FHIP1A: variants seen among roughly 807,000 people sequenced by gnomAD.
FHIP1A encodes FHF complex subunit HOOK-interacting protein 1A.
In FHIP1A, 61 loss-of-function variants were observed where a neutral mutation model predicts 88.6. The ratio of observed to expected loss-of-function variants is 0.69; its 90% CI spans 0.56 to 0.85. FHIP1A has a LOEUF of 0.85. Among genes scored for constraint, FHIP1A ranks in the 40% least tolerant of loss-of-function variants. The pLI is 0.00. For synonymous variants in FHIP1A, 478 were observed against 496.0 expected (o/e 0.96, Z 0.48); for missense variants, 1,154 against 1,273.5 (o/e 0.91, Z 1.43).
chr4:151,504,553 G>C (rs546308903), intron 3 of FHIP1A, among the ~76,000 whole-genome samples: 5 of 147,120 alleles, frequency 3.4e-5, no homozygotes, highest in African/African-American at 1.3e-4. Context: ...CATCTAGCTG[G>C]GAAAAAATTT....
rs1163123296 is a variant in FHIP1A at position 151,662,376 on chromosome 4, TTA to T, written c.2870-122_2870-121del. 16 of 1,030,958 alleles carry T rather than the reference TTA, an allele frequency of 1.6e-5. No individual in the cohort carries two copies. In the Admixed American group the frequency reaches 1.6e-4, roughly 11 times the overall value. The allele number at this position is 1,030,958 out of a possible 1,614,324, so 63.9% of individuals were successfully genotyped here. On this transcript the variant is annotated intron_variant, in intron 13 of 13. Transcript: ENST00000435205. The stretch of plus-strand genomic sequence containing the variant: ...GGCTGCATCTTCAGGATTTAGTCCG[TTA>T]TAGGAACTGCACTCATAACTAGATA...
At chr4:151,605,052 G>T (rs562762216) in intron 7 of FHIP1A, among the ~76,000 whole-genome samples, 1 of 152,182 alleles carries the variant, frequency 6.6e-6, no homozygotes, top group South Asian at 2.1e-4. Flanking sequence ...CAGGATCCTG[G>T]GCTGGTGGGA....
Position 151,656,338 on chromosome 4 carries a change from C to G in FHIP1A, c.2658C>G (p.Pro886=). Residue 886 remains proline (P), a synonymous_variant, in exon 12 of 14, where the codon CCC becomes CCG. Transcript: ENST00000435205. This position sits in a 1 kb window ranked among gnomAD's most constrained non-coding sequence, Gnocchi z 4.2. ...IGIITQLASY[P]QPLLRSFLLN... ...TCATTACTCAGCTAGCCAGCTACCCCCAGCCACTCCTGCGCTCCTTTCTGC... is the reference window on the plus strand; with the variant it reads ...TCATTACTCAGCTAGCCAGCTACCCGCAGCCACTCCTGCGCTCCTTTCTGC... 6.4e-7 allele frequency: 1 copy of G among 1,551,694 alleles called. No individual in the cohort carries two copies. The highest frequency in any genetic ancestry group is 8.7e-7 in the Non-Finnish European group (1 of 1,146,998).
At chr4:151,506,841 A>G (rs1190343386) in intron 3 of FHIP1A, among the ~76,000 whole-genome samples, 2 of 152,238 alleles carry the variant, frequency 1.3e-5, no homozygotes, top group Non-Finnish European at 2.9e-5. Context: ...ACATAAAAAT[A>G]TGAAACCAGT....
chr4:151,412,584 T>TTTCCTTCCTTCCTTCC (rs1193555902), intron 1 of FHIP1A, among the ~76,000 whole-genome samples: 62 of 115,232 alleles, frequency 5.4e-4, no homozygotes, highest in African/African-American at 1.9e-3. Flanking sequence ...CTTTCCTTTC[T>TTTCCTTCCTTCCTTCC]TTCCTTCCTT....
chr4:151,470,676 A>G (rs550829378), intron 2 of FHIP1A, among the ~76,000 whole-genome samples: 1 of 152,302 alleles, frequency 6.6e-6, no homozygotes, highest in Non-Finnish European at 1.5e-5. Flanking sequence ...TAGGGTTTGT[A>G]TAATACAATG....
intron 2 of FHIP1A, among the ~76,000 whole-genome samples, chr4:151,470,608 A>C (rs1012786076): frequency 1.3e-5 from 2 of 152,194 alleles, no homozygotes; most frequent in Admixed American, 1.3e-4. Context: ...TGAGGAATAT[A>C]CATATTAATG....
At chr4:151,660,752 T>C (rs1316368556) in intron 13 of FHIP1A, among the ~76,000 whole-genome samples, 1 of 152,058 alleles carries the variant, frequency 6.6e-6, no homozygotes, top group South Asian at 2.1e-4. Flanking sequence ...ATAAAGACTA[T>C]AGGAATGACT....
chr4:151,502,580 C>CA, intron 3 of FHIP1A, among the ~76,000 whole-genome samples: 1 of 151,834 alleles, frequency 6.6e-6, no homozygotes, highest in African/African-American at 2.4e-5. Flanking sequence ...GAGTAGAAAG[C>CA]AAAAAGAAGG....
chr4:151,471,180 A>G (rs1379088683), intron 2 of FHIP1A, among the ~76,000 whole-genome samples: 4 of 152,066 alleles, frequency 2.6e-5, no homozygotes, highest in Non-Finnish European at 5.9e-5. Context: ...TTTCTTGGAA[A>G]CATAATAGAT....
intron 3 of FHIP1A, among the ~76,000 whole-genome samples, chr4:151,542,443 T>A (rs1404850254): frequency 1.3e-5 from 2 of 152,180 alleles, no homozygotes; most frequent in Non-Finnish European, 2.9e-5. Flanking sequence ...TGTCCCACTC[T>A]ATATTCTCTT....
rs553510710 is a variant in FHIP1A at position 151,426,897 on chromosome 4, C to G, written c.-356+17432C>G. Among the ~76,000 whole-genome samples the G allele has an allele frequency of 1.1e-3, 165 of 152,276 alleles. 2 individuals are homozygous for G. In the South Asian group the frequency reaches 0.034, roughly 31 times the overall value. On this transcript the variant is annotated intron_variant, in intron 1 of 13. Coordinates refer to ENST00000435205, the MANE Select transcript of FHIP1A (RefSeq NM_001109977.3). ...AATGAGAGTTTTTGTGATTTCCCCTCCTCACTCCTGTGCTAGAAAGGTTTC... is the reference window on the plus strand; with the variant it reads ...AATGAGAGTTTTTGTGATTTCCCCTGCTCACTCCTGTGCTAGAAAGGTTTC...
intron 4 of FHIP1A, among the ~76,000 whole-genome samples, chr4:151,568,749 G>T (rs1176769364): frequency 6.6e-6 from 1 of 152,148 alleles, no homozygotes; most frequent in Non-Finnish European, 1.5e-5. Context: ...GCTGGAAATG[G>T]CCTGGGAATG....
intron 7 of FHIP1A, among the ~76,000 whole-genome samples, chr4:151,590,105 C>T (rs1734366876): frequency 6.6e-6 from 1 of 152,130 alleles, no homozygotes; most frequent in African/African-American, 2.4e-5. Context: ...TTCTGTTGTT[C>T]CAGGGATGGA....
chr4:151,486,670 T>C (rs1173379669), intron 3 of FHIP1A, among the ~76,000 whole-genome samples: 2 of 152,156 alleles, frequency 1.3e-5, no homozygotes, highest in African/African-American at 4.8e-5. Context: ...TTTCTTTCCT[T>C]GAAAAATATT....
In FHIP1A at chr4:151,645,571, A is replaced by G. The variant is rs572818316; in HGVS notation, c.1227-987A>G. ...TGCACGGCTTCTTTCTCAAATGCCA[A>G]ATACAGAAGCAAAAACACTCTGGCT... is the stretch of plus-strand genomic sequence containing the variant. On this transcript the variant is annotated intron_variant, in intron 9 of 13. Coordinates refer to ENST00000435205, the MANE Select transcript of FHIP1A (RefSeq NM_001109977.3). Among the ~76,000 whole-genome samples the G allele has an allele frequency of 2.6e-5, 4 of 151,246 alleles. No homozygotes were observed. In the South Asian group the frequency reaches 8.7e-4, roughly 33 times the overall value.
intron 10 of FHIP1A, among the ~76,000 whole-genome samples, chr4:151,648,136 A>G (rs1736866078): frequency 6.6e-6 from 1 of 152,168 alleles, no homozygotes; most frequent in South Asian, 2.1e-4. Flanking sequence ...TTGCCTAAGA[A>G]AGTAGCAGAG....
chr4:151,642,144 C>T (rs753729334), intron 9 of FHIP1A, among the ~76,000 whole-genome samples: 2 of 152,168 alleles, frequency 1.3e-5, no homozygotes, highest in Non-Finnish European at 2.9e-5. Flanking sequence ...AGAAATTGTC[C>T]ACCTCCACGG....
intron 2 of FHIP1A, among the ~76,000 whole-genome samples, chr4:151,479,535 G>T (rs937924634): frequency 6.6e-6 from 1 of 152,040 alleles, no homozygotes; most frequent in Non-Finnish European, 1.5e-5. Context: ...TCAGCTTCAT[G>T]TGTTTGAAAA....
Sources: gnomAD v4.1 joint callset for allele counts (sites outside exome capture counted in the v4.1 genomes callset) on GRCh38, gnomAD v4.1.1 for gene constraint, Gnocchi (gnomAD v3.1) non-coding constraint, MANE v1.5 for transcripts, NCBI Gene and HGNC (gene_info 2026-07-23, HGNC 2026-07-21) for gene names.